FARS2: variants seen among roughly 807,000 people sequenced by gnomAD.
The protein encoded by FARS2 is phenylalanyl-tRNA synthetase 2, mitochondrial, also known as phenylalanine--tRNA ligase, mitochondrial.
In FARS2, 40 loss-of-function variants were observed where a neutral mutation model predicts 46.4. The ratio of observed to expected loss-of-function variants is 0.86; its 90% CI spans 0.67 to 1.12. The LOEUF is 1.12. Among genes scored for constraint, FARS2 ranks in the 50% most tolerant of loss-of-function variants. The probability of loss-of-function intolerance (pLI) is 0.00; values close to 1 mark genes in which losing one functional copy is unlikely to be tolerated. For missense variants in FARS2, 513 were observed against 567.9 expected, an observed-to-expected ratio of 0.90 and a Z score of 0.98; for synonymous variants, 234 against 214.9, an observed-to-expected ratio of 1.09 and a Z score of -0.78.
At chr6:5,508,093 A>G (rs1768205396) in intron 4 of FARS2, among the ~76,000 whole-genome samples, 1 of 152,244 alleles carries the variant, frequency 6.6e-6, no homozygotes, top group Admixed American at 6.5e-5. Context: ...CTTATTTTCT[A>G]GCACTGCAAT....
At chr6:5,402,413 T>G (rs960442604) in intron 2 of FARS2, among the ~76,000 whole-genome samples, 1 of 151,920 alleles carries the variant, frequency 6.6e-6, no homozygotes, top group Non-Finnish European at 1.5e-5. Context: ...GGGAGAAAAG[T>G]TGGATTTTCA....
chr6:5,362,070 A>G, intron 1 of FARS2, among the ~76,000 whole-genome samples: 1 of 152,150 alleles, frequency 6.6e-6, no homozygotes, highest in Middle Eastern at 3.2e-3. Context: ...ATCCATGACC[A>G]TGTAACAGAT....
At chr6:5,252,720 T>G in the FARS2 span, among the ~76,000 whole-genome samples, 1 of 152,190 alleles carries the variant, frequency 6.6e-6, no homozygotes, top group Non-Finnish European at 1.5e-5. Context: ...AGAGTCCTCC[T>G]GGAAAGCTTT....
At chr6:5,612,221 G>A (rs779840350) in intron 5 of FARS2, among the ~76,000 whole-genome samples, 4 of 152,186 alleles carry the variant, frequency 2.6e-5, no homozygotes, top group Non-Finnish European at 4.4e-5. Flanking sequence ...CAGATACTTT[G>A]CCATTTAAAA....
intron 5 of FARS2, among the ~76,000 whole-genome samples, chr6:5,546,609 A>G (rs961047828): frequency 5.3e-5 from 8 of 151,816 alleles, no homozygotes; most frequent in African/African-American, 1.2e-4. Flanking sequence ...GAAGCTGCAT[A>G]TATGTTAGAC....
At chr6:5,399,826 C>A (rs1480343900) in intron 2 of FARS2, among the ~76,000 whole-genome samples, 2 of 152,120 alleles carry the variant, frequency 1.3e-5, no homozygotes, top group African/African-American at 4.8e-5. Flanking sequence ...ATTACACCTG[C>A]AAAAGTACTC....
chr6:5,583,763 A>G (rs1773462719), intron 5 of FARS2, among the ~76,000 whole-genome samples: 1 of 152,324 alleles, frequency 6.6e-6, no homozygotes, highest in South Asian at 2.1e-4. Context: ...TGAGGAAGCC[A>G]GGTTAAACCC....
At chr6:5,446,257 G>A (rs1764184892) in intron 4 of FARS2, among the ~76,000 whole-genome samples, 1 of 150,938 alleles carries the variant, frequency 6.6e-6, no homozygotes, top group African/African-American at 2.4e-5. Context: ...TCAATACAAA[G>A]GGAAGTAGCT....
chr6:5,418,614 A>G (rs541458225), intron 3 of FARS2, among the ~76,000 whole-genome samples: 2 of 152,334 alleles, frequency 1.3e-5, no homozygotes, highest in East Asian at 3.9e-4. Context: ...TTCAACACAC[A>G]TGATCAGTGT....
chr6:5,282,282 C>T (rs560775669), intron 1 of FARS2, among the ~76,000 whole-genome samples: 165 of 152,296 alleles, frequency 1.1e-3, no homozygotes, highest in Middle Eastern at 6.8e-3. Flanking sequence ...CTATCATTGC[C>T]GTGGCTGCTT....
intron 6 of FARS2, among the ~76,000 whole-genome samples, chr6:5,636,432 G>A (rs1261431526): frequency 1.3e-5 from 2 of 152,196 alleles, no homozygotes; most frequent in East Asian, 1.9e-4. Flanking sequence ...TGTGCAGTGA[G>A]GCATCCTTTT....
At chr6:5,650,088 A>G (rs1444361188) in intron 6 of FARS2, among the ~76,000 whole-genome samples, 1 of 152,132 alleles carries the variant, frequency 6.6e-6, no homozygotes, top group Non-Finnish European at 1.5e-5. Flanking sequence ...AACTAAGGTC[A>G]GAGGACCGAG....
At chr6:5,443,685 C>G (rs185248984) in intron 4 of FARS2, among the ~76,000 whole-genome samples, 1 of 152,326 alleles carries the variant, frequency 6.6e-6, no homozygotes, top group East Asian at 1.9e-4. Context: ...GCCCCAGCCC[C>G]GCAGACAGGT....
At chr6:5,706,887 A>T (rs186926827) in intron 6 of FARS2, among the ~76,000 whole-genome samples, 27 of 152,218 alleles carry the variant, frequency 1.8e-4, no homozygotes, top group Non-Finnish European at 3.7e-4. Context: ...CGAGCTTTCC[A>T]TCCGTTGATG....
At chr6:5,492,474 T>C (rs1767181015) in intron 4 of FARS2, among the ~76,000 whole-genome samples, 1 of 152,246 alleles carries the variant, frequency 6.6e-6, no homozygotes, top group Non-Finnish European at 1.5e-5. Flanking sequence ...TATTTATTGC[T>C]GGTTTTATTT....
intron 6 of FARS2, among the ~76,000 whole-genome samples, chr6:5,752,560 T>C (rs1250841750): frequency 6.6e-6 from 1 of 152,230 alleles, no homozygotes; most frequent in African/African-American, 2.4e-5. Flanking sequence ...GATTCACTTG[T>C]ATGCTAACAG....
chr6:5,741,234 T>A (rs886528201), intron 6 of FARS2, among the ~76,000 whole-genome samples: 31 of 152,204 alleles, frequency 2.0e-4, no homozygotes, highest in African/African-American at 2.9e-4. Flanking sequence ...TTAGCTTTTG[T>A]TCTTCCAGCT....
chr6:5,515,814 T>C (rs1446368342), intron 4 of FARS2, among the ~76,000 whole-genome samples: 1 of 152,238 alleles, frequency 6.6e-6, no homozygotes, highest in African/African-American at 2.4e-5. Flanking sequence ...GTCTTAAATT[T>C]AATGTATAAT....
At chr6:5,581,665 C>T (rs1408302297) in intron 5 of FARS2, among the ~76,000 whole-genome samples, 3 of 152,200 alleles carry the variant, frequency 2.0e-5, no homozygotes, top group East Asian at 3.9e-4. Context: ...TGCCTCTGCA[C>T]GTTGGGACAT....
Sources: gnomAD v4.1 joint callset for allele counts (sites outside exome capture counted in the v4.1 genomes callset) on GRCh38, gnomAD v4.1.1 for gene constraint, MANE v1.5 for transcripts, NCBI Gene and HGNC (gene_info 2026-07-23, HGNC 2026-07-21) for gene names.